XKR4: variants seen among roughly 807,000 people sequenced by gnomAD.
XKR4 encodes the protein XK related 4.
In XKR4, 12 loss-of-function variants were observed where a neutral mutation model predicts 53.9. That is an observed-to-expected ratio of 0.22 (90% CI 0.14 to 0.36). The LOEUF (loss-of-function observed/expected upper bound fraction) is 0.36. XKR4 is among the 10% of genes least tolerant of loss of function. XKR4 has a pLI of 1.00. For synonymous variants in XKR4, 354 were observed against 362.4 expected (o/e 0.98, Z 0.26); for missense variants, 799 against 859.5 (o/e 0.93, Z 0.88).
At chr8:55,190,892 A>G (rs1006562790) in intron 1 of XKR4, among the ~76,000 whole-genome samples, 1 of 152,228 alleles carries the variant, frequency 6.6e-6, no homozygotes, top group Non-Finnish European at 1.5e-5. Context: ...TTGAAACCAT[A>G]TAGTATAGGA....
At chr8:55,517,437 T>C (rs1242721308) in intron 2 of XKR4, 1 of 151,996 alleles carries the variant, frequency 6.6e-6, no homozygotes, top group Admixed American at 6.6e-5. Flanking sequence ...CCCACGCAGA[T>C]ACAGAGCTAC....
rs2129407536 is a variant in XKR4 at position 55,538,569 on chromosome 8, G to A, written c.*14342G>A. 1 of 152,270 alleles carries A rather than the reference G, an allele frequency of 6.6e-6. No individual in the cohort carries two copies. The highest frequency in any genetic ancestry group is 2.1e-4 in the South Asian group (1 of 4,826). 9.4% of individuals were successfully genotyped at this position (152,270 alleles called of 1,614,324 possible). A position where few individuals can be genotyped will look rare whatever the true frequency, so the allele number is the denominator to read the frequency against. ...ACAACTCCTTTCATCCAGACATTCA[G>A]ATGCTTTATATAAGTTGGCAATTTT... On this transcript the variant is annotated 3_prime_UTR_variant, in exon 3 of 3. Coordinates refer to ENST00000327381, the MANE Select transcript of XKR4 (RefSeq NM_052898.2).
intron 2 of XKR4, among the ~76,000 whole-genome samples, chr8:55,466,432 CA>C (rs891289257): frequency 4.6e-5 from 7 of 151,664 alleles, no homozygotes; most frequent in Non-Finnish European, 8.8e-5. Flanking sequence ...GGGAATTGAA[CA>C]ATGAGAACAC....
intron 1 of XKR4, among the ~76,000 whole-genome samples, chr8:55,321,362 G>A (rs1468269378): frequency 2.0e-5 from 3 of 152,100 alleles, no homozygotes; most frequent in Admixed American, 2.0e-4. Context: ...ATTACTGAAA[G>A]TGTTGTCTAC....
chr8:55,477,385 C>A (rs961229259), intron 2 of XKR4, among the ~76,000 whole-genome samples: 4 of 152,000 alleles, frequency 2.6e-5, no homozygotes, highest in Non-Finnish European at 5.9e-5. Flanking sequence ...GAAAGTACAT[C>A]CACACCAAAA....
intron 1 of XKR4, among the ~76,000 whole-genome samples, chr8:55,260,613 C>T (rs1220745782): frequency 6.6e-6 from 1 of 152,170 alleles, no homozygotes; most frequent in Non-Finnish European, 1.5e-5. Flanking sequence ...GCAAGTGGGT[C>T]TTCCAGCTGG....
intron 1 of XKR4, among the ~76,000 whole-genome samples, chr8:55,284,288 T>C (rs1818877854): frequency 6.6e-6 from 1 of 152,244 alleles, no homozygotes; most frequent in African/African-American, 2.4e-5. Context: ...ATTTTAATGA[T>C]TCATTAGTTT....
rs562099129 is a variant in XKR4, at chr8:55,268,742, G to A, written c.807-88936G>A. On this transcript the variant is annotated intron_variant, in intron 1 of 2. Transcript: ENST00000327381. ...ACTGGCATTAAATCACTTAATCCCCGCAAGATCCCTGTAAGTGCCATATTT... is the reference window on the plus strand; with the variant it reads ...ACTGGCATTAAATCACTTAATCCCCACAAGATCCCTGTAAGTGCCATATTT... Among the ~76,000 whole-genome samples the A allele has an allele frequency of 7.9e-5, 12 of 152,162 alleles. No individual in the cohort carries two copies. In the South Asian group the frequency reaches 1.9e-3, roughly 24 times the overall value.
At chr8:55,239,063 A>G (rs1042360544) in intron 1 of XKR4, among the ~76,000 whole-genome samples, 1 of 152,120 alleles carries the variant, frequency 6.6e-6, no homozygotes, top group Non-Finnish European at 1.5e-5. Flanking sequence ...GGCAGGTTTT[A>G]TTTTTTCATA....
chr8:55,121,709 C>A (rs955217009), intron 1 of XKR4, among the ~76,000 whole-genome samples: 3 of 151,994 alleles, frequency 2.0e-5, no homozygotes, highest in African/African-American at 7.3e-5. Context: ...TGTCTTTGTA[C>A]CTTGGGAATT....
At chr8:55,289,670 A>AGG in intron 1 of XKR4, among the ~76,000 whole-genome samples, 11 of 53,796 alleles carry the variant, frequency 2.0e-4, no homozygotes, top group Admixed American at 3.3e-4. Flanking sequence ...AAAGAAAAGA[A>AGG]AAGAAAGAGA....
intron 1 of XKR4, among the ~76,000 whole-genome samples, chr8:55,273,436 T>A (rs1353134900): frequency 6.6e-6 from 1 of 152,192 alleles, no homozygotes; most frequent in Admixed American, 6.5e-5. Flanking sequence ...CCTTCTTGCC[T>A]GGGGACTAGA....
At chr8:55,283,101 T>C (rs1818862809) in intron 1 of XKR4, among the ~76,000 whole-genome samples, 1 of 152,234 alleles carries the variant, frequency 6.6e-6, no homozygotes, top group African/African-American at 2.4e-5. Context: ...CCTAGGTGTG[T>C]AGTAGGCTCT....
rs551322844 is a variant in XKR4, at chr8:55,277,077, T to C, written c.807-80601T>C. ...GAGAGTTAAAAGCCAAGTTGGATCA[T>C]TGAGCAATGAGTGACAGAATGACTG... On this transcript the variant is annotated intron_variant, in intron 1 of 2. Coordinates refer to ENST00000327381, the MANE Select transcript of XKR4 (RefSeq NM_052898.2). Among the ~76,000 whole-genome samples the C allele has an allele frequency of 1.6e-4, 24 of 152,334 alleles. No individual in the cohort carries two copies. In the South Asian group the frequency reaches 4.3e-3, roughly 28 times the overall value.
chr8:55,202,767 A>C (rs1817592217), intron 1 of XKR4, among the ~76,000 whole-genome samples: 1 of 152,254 alleles, frequency 6.6e-6, no homozygotes, highest in Non-Finnish European at 1.5e-5. Context: ...ATCGTTGATG[A>C]AGATTTGAAA....
rs555907439 is a variant in XKR4, at chr8:55,192,085, G to A, written c.806+88791G>A. On this transcript the variant is annotated intron_variant, in intron 1 of 2. Transcript: ENST00000327381. The stretch of plus-strand genomic sequence containing the variant: ...ATTTACAACTAATGAATTTATTTAG[G>A]AAGCAATAAATCTCAAAAATGATTA... Among the ~76,000 whole-genome samples the A allele has an allele frequency of 2.5e-4, 38 of 151,698 alleles. No individual in the cohort carries two copies. In the South Asian group the frequency reaches 7.7e-3, roughly 31 times the overall value.
intron 2 of XKR4, among the ~76,000 whole-genome samples, chr8:55,376,190 A>G (rs1056879751): frequency 6.6e-6 from 1 of 152,186 alleles, no homozygotes; most frequent in African/African-American, 2.4e-5. Context: ...CAGTGAACAT[A>G]CATGTGCATG....
intron 2 of XKR4, among the ~76,000 whole-genome samples, chr8:55,392,684 A>C (rs978252302): frequency 2.6e-5 from 4 of 152,142 alleles, no homozygotes; most frequent in Non-Finnish European, 2.9e-5. Context: ...CCAGCTATTC[A>C]GGAGGCTGAG....
chr8:55,328,831 T>C (rs971647448), intron 1 of XKR4, among the ~76,000 whole-genome samples: 2 of 152,224 alleles, frequency 1.3e-5, no homozygotes, highest in Non-Finnish European at 2.9e-5. Context: ...TCAGCTTTAC[T>C]ACCCCCTCCT....
Sources: gnomAD v4.1 joint callset for allele counts (sites outside exome capture counted in the v4.1 genomes callset) on GRCh38, gnomAD v4.1.1 for gene constraint, MANE v1.5 for transcripts, NCBI Gene and HGNC (gene_info 2026-07-23, HGNC 2026-07-21) for gene names.